CACNA1E: variants seen among roughly 807,000 people sequenced by gnomAD.
CACNA1E encodes calcium voltage-gated channel subunit alpha1 E.
A neutral mutation model predicts 259.2 loss-of-function variants in CACNA1E; 40 were observed. That is an observed-to-expected ratio of 0.15 (90% confidence interval 0.12 to 0.20). CACNA1E has a LOEUF of 0.20. CACNA1E is among the 10% of genes least tolerant of loss of function. CACNA1E has a pLI of 1.00. For synonymous variants in CACNA1E, 1,104 were observed against 1,138.5 expected, an observed-to-expected ratio of 0.97 and a Z score of 0.61; for missense variants, 1,874 against 3,040.1, an observed-to-expected ratio of 0.62 and a Z score of 9.02.
At chr1:181,561,875 T>G (rs1381516436) in intron 3 of CACNA1E, among the ~76,000 whole-genome samples, 1 of 152,220 alleles carries the variant, frequency 6.6e-6, no homozygotes, top group Non-Finnish European at 1.5e-5. Context: ...TGCTCCACGT[T>G]CTAAGCAGCA....
chr1:181,463,415 G>A (rs6424811), intron 2 of CACNA1E, among the ~76,000 whole-genome samples: 63,362 of 151,874 alleles, frequency 0.42, 15,092 homozygotes, highest in African/African-American at 0.67. Flanking sequence ...GAGTGAATGT[G>A]TCATTTCCAC....
intron 6 of CACNA1E, among the ~76,000 whole-genome samples, chr1:181,639,273 A>G (rs554986532): frequency 1.3e-5 from 2 of 152,210 alleles, no homozygotes; most frequent in South Asian, 4.1e-4. Context: ...TATTTTCAGT[A>G]GAGATGGGGT....
Position 181,793,932 on chromosome 1 carries a change from G to A in CACNA1E, c.6027+139G>A, listed in dbSNP as rs370611747. 1.3e-4 allele frequency: 121 copies of A among 897,650 alleles called. 1 individual carries two copies. Among genetic ancestry groups the A allele is most frequent in the South Asian group, 7.7e-4 (42 of 54,248 alleles). The allele number at this position is 897,650 out of a possible 1,614,324, so 55.6% of individuals were successfully genotyped here. A position where few individuals can be genotyped will look rare whatever the true frequency, so the allele number is the denominator to read the frequency against. On this transcript the variant is annotated intron_variant, in intron 45 of 47. Transcript: ENST00000367573. ...ATAAATAAAACCTGGCTCATGGGTC[G>A]TCTCTAATAGAGCCTGCTTCTCCGG...
chr1:181,714,411 A>G (rs1305874094), intron 8 of CACNA1E, among the ~76,000 whole-genome samples: 1 of 152,200 alleles, frequency 6.6e-6, no homozygotes, highest in Non-Finnish European at 1.5e-5. Flanking sequence ...TTACCAACCC[A>G]GATGCCTCCT....
At chr1:181,557,465 C>G (rs1477553940) in intron 3 of CACNA1E, among the ~76,000 whole-genome samples, 5 of 152,226 alleles carry the variant, frequency 3.3e-5, no homozygotes, top group Non-Finnish European at 7.3e-5. Flanking sequence ...GATATTTGAA[C>G]AGTCCTCTTG....
chr1:181,747,333 G>A (rs1193382151), intron 25 of CACNA1E, among the ~76,000 whole-genome samples: 1 of 152,242 alleles, frequency 6.6e-6, no homozygotes, highest in Non-Finnish European at 1.5e-5. Context: ...GGGCTGGGAG[G>A]TGAAGAGCGG....
At chr1:181,321,601 G>T (rs1349824845) in intron 1 of CACNA1E, among the ~76,000 whole-genome samples, 1 of 152,216 alleles carries the variant, frequency 6.6e-6, no homozygotes. Flanking sequence ...TTGATAGTGT[G>T]TTGGTTGGGT....
At chr1:181,322,779 T>C (rs1650461089) in intron 1 of CACNA1E, among the ~76,000 whole-genome samples, 1 of 152,228 alleles carries the variant, frequency 6.6e-6, no homozygotes, top group Admixed American at 6.5e-5. Context: ...TGGATGACAG[T>C]TGAAAAATAA....
intron 1 of CACNA1E, among the ~76,000 whole-genome samples, chr1:181,367,268 G>A (rs1654341525): frequency 6.6e-6 from 1 of 152,068 alleles, no homozygotes; most frequent in Non-Finnish European, 1.5e-5. Context: ...CCAAAGTGCT[G>A]TTTAAGAAGC....
chr1:181,442,453 G>A (rs549460547), intron 2 of CACNA1E, among the ~76,000 whole-genome samples: 1 of 148,120 alleles, frequency 6.8e-6, no homozygotes, highest in African/African-American at 2.5e-5. Flanking sequence ...GGGAATGGAT[G>A]TGGGGGACAC....
At chr1:181,767,431 A>G (rs1379438026) in intron 35 of CACNA1E, among the ~76,000 whole-genome samples, 1 of 152,150 alleles carries the variant, frequency 6.6e-6, no homozygotes, top group Non-Finnish European at 1.5e-5. Context: ...ACTTGGAGAT[A>G]TTGTGACTAG....
At chr1:181,530,444 G>T (rs61814464) in intron 3 of CACNA1E, among the ~76,000 whole-genome samples, 1 of 152,156 alleles carries the variant, frequency 6.6e-6, no homozygotes, top group African/African-American at 2.4e-5. Flanking sequence ...ATGTGTAGCT[G>T]ACAGTTTGAC....
chr1:181,785,760 G>C lies in CACNA1E; in HGVS notation c.5727G>C (p.Gln1909His), dbSNP rs891361497. The C allele has an allele frequency of 2.4e-5, 38 of 1,613,214 alleles. No homozygotes were observed. Among genetic ancestry groups the C allele is most frequent in the Non-Finnish European group, 3.1e-5 (37 of 1,179,746 alleles). Residue 1909 changes from glutamine (Q) to histidine (H), a missense_variant, in exon 43 of 48, where the codon CAG becomes CAC. By Grantham distance (24) the Gln-to-His change is conservative (BLOSUM62 0). Transcript: ENST00000367573. ...FQRMEPSSLP[Q>H]EIIANAKALP... ...GCATGGAGCCTTCATCTCTGCCTCA[G>C]GAGATCATTGCTAATGCCAAAGCCC...
intron 35 of CACNA1E, among the ~76,000 whole-genome samples, chr1:181,768,510 G>A (rs1179125289): frequency 6.6e-6 from 1 of 152,204 alleles, no homozygotes; most frequent in African/African-American, 2.4e-5. Flanking sequence ...GATCAGCTCT[G>A]TCTGCTCCCT....
chr1:181,733,055 C>A, intron 20 of CACNA1E, 21 bp downstream of exon 20: 1 of 1,558,408 alleles, frequency 6.4e-7, no homozygotes, highest in South Asian at 1.2e-5. Context: ...CACAGGGCTC[C>A]CAGATGGATG....
intron 2 of CACNA1E, among the ~76,000 whole-genome samples, chr1:181,416,829 C>T (rs1404915427): frequency 6.6e-6 from 1 of 152,192 alleles, no homozygotes; most frequent in Admixed American, 6.5e-5. Context: ...TACAAACTCC[C>T]AAGTCACTTG....
At chr1:181,390,729 A>G (rs79972350) in intron 1 of CACNA1E, among the ~76,000 whole-genome samples, 3,228 of 152,284 alleles carry the variant, frequency 0.021, 125 homozygotes, top group African/African-American at 0.071. Context: ...ACATCCTAGA[A>G]CCGTAAATGC....
intron 6 of CACNA1E, among the ~76,000 whole-genome samples, chr1:181,647,113 G>T (rs1252919436): frequency 6.6e-6 from 1 of 152,202 alleles, no homozygotes; most frequent in Non-Finnish European, 1.5e-5. Flanking sequence ...CATGTAAGAG[G>T]ACACTGACCA....
intron 1 of CACNA1E, among the ~76,000 whole-genome samples, chr1:181,336,201 G>T (rs1386856096): frequency 6.6e-6 from 1 of 152,188 alleles, no homozygotes; most frequent in Non-Finnish European, 1.5e-5. Flanking sequence ...GATTCTTAAA[G>T]GCAGGAACCC....
Sources: allele counts gnomAD v4.1 joint callset (sites outside exome capture counted in the v4.1 genomes callset), GRCh38; gene constraint gnomAD v4.1.1; transcripts MANE v1.5; gene names NCBI Gene and HGNC (gene_info 2026-07-23, HGNC 2026-07-21).